Variants in NRXN3 observed in about 807,000 individuals in gnomAD.
The protein encoded by NRXN3 is neurexin 3, also known as neurexin III.
In NRXN3, 32 loss-of-function variants were observed where a neutral mutation model predicts 137.6. That is an observed-to-expected ratio of 0.23 (90% confidence interval 0.18 to 0.31). The LOEUF (loss-of-function observed/expected upper bound fraction) is 0.31, where lower values mean the gene tolerates loss of function less well. Among genes scored for constraint, NRXN3 ranks in the 10% least tolerant of loss-of-function variants. The probability of loss-of-function intolerance (pLI) is 1.00; values close to 1 mark genes in which losing one functional copy is unlikely to be tolerated. For synonymous variants in NRXN3, 798 were observed against 784.5 expected (o/e 1.02, Z -0.29); for missense variants, 1,574 against 2,062.5 (o/e 0.76, Z 4.59).
chr14:79,604,989 G>A (rs921136717), intron 16 of NRXN3, among the ~76,000 whole-genome samples: 1 of 152,104 alleles, frequency 6.6e-6, no homozygotes, highest in African/African-American at 2.4e-5. Context: ...CCGAGATCAA[G>A]CCACTACACT....
chr14:79,680,395 C>G (rs897705141), intron 17 of NRXN3, among the ~76,000 whole-genome samples: 1 of 151,806 alleles, frequency 6.6e-6, no homozygotes, highest in Admixed American at 6.6e-5. Flanking sequence ...CAAAACAAAA[C>G]AGAACAACAG....
intron 15 of NRXN3, among the ~76,000 whole-genome samples, chr14:79,010,771 A>G (rs921820636): frequency 2.6e-5 from 4 of 152,190 alleles, no homozygotes; most frequent in Non-Finnish European, 5.9e-5. Flanking sequence ...TTGCCCCTTT[A>G]ATAACAGTGA....
At chr14:79,734,824 A>T (rs1363417144) in intron 19 of NRXN3, among the ~76,000 whole-genome samples, 1 of 152,198 alleles carries the variant, frequency 6.6e-6, no homozygotes, top group Admixed American at 6.5e-5. Context: ...CTGGAATTCA[A>T]TTATAAGTAC....
intron 6 of NRXN3, among the ~76,000 whole-genome samples, chr14:78,668,434 G>A (rs888713489): frequency 6.6e-6 from 1 of 152,200 alleles, no homozygotes; most frequent in East Asian, 1.9e-4. Flanking sequence ...GGCTTCTCAA[G>A]TGGAGACAAG....
chr14:79,427,206 A>T (rs1015323534), intron 15 of NRXN3, among the ~76,000 whole-genome samples: 1 of 152,176 alleles, frequency 6.6e-6, no homozygotes, highest in Admixed American at 6.5e-5. Context: ...GAAGACCTGT[A>T]AACAGCCTCA....
intron 4 of NRXN3, among the ~76,000 whole-genome samples, chr14:78,626,483 T>C (rs1279823752): frequency 1.3e-5 from 2 of 152,218 alleles, no homozygotes; most frequent in African/African-American, 4.8e-5. Flanking sequence ...TAAAAATACA[T>C]ATAATTTTTG....
At chr14:79,064,644 A>G (rs1595543697) in intron 15 of NRXN3, among the ~76,000 whole-genome samples, 1 of 149,944 alleles carries the variant, frequency 6.7e-6, no homozygotes, top group Non-Finnish European at 1.5e-5. Context: ...TAAAACTAGC[A>G]TATTAACAAA....
rs184177830 is a variant in NRXN3 at position 78,533,389 on chromosome 14, G to A, written c.758-111731G>A. Among the ~76,000 whole-genome samples the A allele has an allele frequency of 2.4e-4, 36 of 152,164 alleles. 1 individual carries two copies. Among genetic ancestry groups the A allele is most frequent in the African/African-American group, 8.7e-4 (36 of 41,532 alleles). On this transcript the variant is annotated intron_variant, in intron 4 of 20. Transcript: ENST00000335750. Reference sequence around the variant, plus strand: ...AGTTGTTTATCCTCCTGTATCACTAGTGTACACCCTCACTCATATTCACTG... The same window carrying A: ...AGTTGTTTATCCTCCTGTATCACTAATGTACACCCTCACTCATATTCACTG...
At chr14:79,139,096 T>C (rs2058543628) in intron 15 of NRXN3, among the ~76,000 whole-genome samples, 1 of 152,248 alleles carries the variant, frequency 6.6e-6, no homozygotes, top group Admixed American at 6.5e-5. Context: ...CAGTGCTGCC[T>C]GAATTGTGCC....
chr14:78,234,894 GT>G (rs1471417330), intron 1 of NRXN3, among the ~76,000 whole-genome samples: 1 of 151,138 alleles, frequency 6.6e-6, no homozygotes, highest in Non-Finnish European at 1.5e-5. Context: ...TCAGTGACTG[GT>G]CAGATTGACA....
chr14:79,339,974 TGAA>T (rs2092504306), intron 15 of NRXN3, among the ~76,000 whole-genome samples: 1 of 152,194 alleles, frequency 6.6e-6, no homozygotes. Context: ...AACAGCTGTT[TGAA>T]GAAGGTATTT....
intron 15 of NRXN3, among the ~76,000 whole-genome samples, chr14:78,988,763 GTA>G (rs10658037): frequency 6.9e-6 from 1 of 145,132 alleles, no homozygotes; most frequent in Non-Finnish European, 1.5e-5. Flanking sequence ...ATGTATGTGT[GTA>G]TATATATGTG....
chr14:78,554,038 C>A (rs2096716854), intron 4 of NRXN3, among the ~76,000 whole-genome samples: 1 of 152,020 alleles, frequency 6.6e-6, no homozygotes, highest in African/African-American at 2.4e-5. Flanking sequence ...CTGATGGGAA[C>A]AGATGGCCCA....
At chr14:79,659,179 T>A (rs2098520803) in intron 16 of NRXN3, among the ~76,000 whole-genome samples, 2 of 136,474 alleles carry the variant, frequency 1.5e-5, no homozygotes, top group Admixed American at 1.4e-4. Flanking sequence ...ACAGCTGGTT[T>A]CTGTGCTGTT....
intron 15 of NRXN3, among the ~76,000 whole-genome samples, chr14:79,420,484 C>T (rs2597093): frequency 0.25 from 37,543 of 151,896 alleles, 4,985 homozygotes; most frequent in East Asian, 0.44. Context: ...AGTGGCTACA[C>T]ACATTATCTC....
chr14:78,579,652 G>A (rs1047586429), intron 4 of NRXN3, among the ~76,000 whole-genome samples: 1 of 152,110 alleles, frequency 6.6e-6, no homozygotes, highest in Non-Finnish European at 1.5e-5. Context: ...CAATGTGATG[G>A]CTTCGTAGAA....
chr14:78,337,819 G>A (rs2081649085), intron 4 of NRXN3, among the ~76,000 whole-genome samples: 1 of 152,122 alleles, frequency 6.6e-6, no homozygotes, highest in South Asian at 2.1e-4. Flanking sequence ...CCTTTGTTTG[G>A]AGGAACCAGA....
At chr14:78,293,600 C>A (rs1437174033) in intron 3 of NRXN3, among the ~76,000 whole-genome samples, 2 of 152,136 alleles carry the variant, frequency 1.3e-5, no homozygotes, top group Non-Finnish European at 2.9e-5. Flanking sequence ...AATGTAGGTC[C>A]TTCCCCTGTA....
intron 10 of NRXN3, among the ~76,000 whole-genome samples, chr14:78,814,736 G>A (rs1237858128): frequency 1.3e-5 from 2 of 152,136 alleles, no homozygotes; most frequent in South Asian, 2.1e-4. Flanking sequence ...AGAGGCACGC[G>A]GTTCTGAAAA....
Sources: gnomAD v4.1 joint callset for allele counts (sites outside exome capture counted in the v4.1 genomes callset) on GRCh38, gnomAD v4.1.1 for gene constraint, MANE v1.5 for transcripts, NCBI Gene and HGNC (gene_info 2026-07-23, HGNC 2026-07-21) for gene names.